The following AKAP7 variants were observed in gnomAD, a reference collection of about 807,000 sequenced individuals.
AKAP7 encodes the protein A-kinase anchoring protein 7.
Under a neutral mutation model 39.5 loss-of-function variants are expected in AKAP7, and 39 were observed. The observed-to-expected ratio is 0.99, with a 90% CI of 0.76 to 1.29. The LOEUF (loss-of-function observed/expected upper bound fraction) is 1.29, where lower values mean the gene tolerates loss of function less well. AKAP7 is among the 50% of genes most tolerant of loss of function. The pLI, the probability that AKAP7 is intolerant of heterozygous loss-of-function variation, is 0.00. For synonymous variants in AKAP7, 140 were observed against 139.1 expected (o/e 1.01, Z -0.05); for missense variants, 414 against 407.7 (o/e 1.02, Z -0.13).
At chr6:131,205,892 T>C (rs1699856225) in intron 6 of AKAP7, among the ~76,000 whole-genome samples, 1 of 152,162 alleles carries the variant, frequency 6.6e-6, no homozygotes, top group South Asian at 2.1e-4. Flanking sequence ...GTAACTAAAG[T>C]TCAGGTTATT....
chr6:131,251,363 C>T (rs892745457), intron 7 of AKAP7, among the ~76,000 whole-genome samples: 1 of 152,104 alleles, frequency 6.6e-6, no homozygotes, highest in Non-Finnish European at 1.5e-5. Flanking sequence ...CCCTAGTTGC[C>T]CCGAAATAGG....
At chr6:131,146,600 A>G (rs1037230105) in intron 2 of AKAP7, among the ~76,000 whole-genome samples, 2 of 152,208 alleles carry the variant, frequency 1.3e-5, no homozygotes, top group African/African-American at 4.8e-5. Flanking sequence ...AAGCGTCAAT[A>G]TGTTTGGATG....
chr6:131,212,763 G>T (rs967360347), intron 6 of AKAP7, among the ~76,000 whole-genome samples: 10 of 152,170 alleles, frequency 6.6e-5, no homozygotes, highest in Non-Finnish European at 5.9e-5. Flanking sequence ...GGGTTAGAAT[G>T]AGGGGGAGAA....
chr6:131,157,064 C>T (rs1802487011), intron 2 of AKAP7, among the ~76,000 whole-genome samples: 1 of 152,138 alleles, frequency 6.6e-6, no homozygotes, highest in Non-Finnish European at 1.5e-5. Flanking sequence ...CATGAGCCAC[C>T]ACACCCAGCC....
chr6:131,180,593 C>A (rs1310369923), intron 5 of AKAP7, among the ~76,000 whole-genome samples: 1 of 152,148 alleles, frequency 6.6e-6, no homozygotes, highest in South Asian at 2.1e-4. Context: ...CCTTTCCTAT[C>A]CAGAATCTTT....
rs201755582 is a variant in AKAP7 at position 131,152,910 on chromosome 6, C to T, written c.152-7149C>T. Reference sequence around the variant, plus strand: ...TTGGGAGGCCAGGGCGGGTGGATCACGAGGTCAGGAGATTGAGACCATCCT... The same window carrying T: ...TTGGGAGGCCAGGGCGGGTGGATCATGAGGTCAGGAGATTGAGACCATCCT... On this transcript the variant is annotated intron_variant, in intron 2 of 7. Transcript: ENST00000431975. Among the ~76,000 whole-genome samples, 20 of 150,104 alleles carry T rather than the reference C, an allele frequency of 1.3e-4. No individual in the cohort carries two copies. The South Asian group carries it at 4.0e-3, about 30-fold the overall frequency.
chr6:131,146,682 G>C (rs1256753670), intron 2 of AKAP7, among the ~76,000 whole-genome samples: 2 of 152,164 alleles, frequency 1.3e-5, no homozygotes, highest in Admixed American at 6.6e-5. Flanking sequence ...GGTTTGATAT[G>C]CTTTTTTCAT....
intron 7 of AKAP7, among the ~76,000 whole-genome samples, chr6:131,246,217 T>C (rs1425957882): frequency 6.6e-6 from 1 of 152,056 alleles, no homozygotes; most frequent in Admixed American, 6.6e-5. Flanking sequence ...TAATCAGAGC[T>C]GACAGTTAAA....
intron 6 of AKAP7, among the ~76,000 whole-genome samples, chr6:131,204,715 C>T (rs1585083651): frequency 6.6e-6 from 1 of 152,202 alleles, no homozygotes; most frequent in East Asian, 1.9e-4. Context: ...AAGTTAGGTG[C>T]CCCATGACAA....
intron 5 of AKAP7, among the ~76,000 whole-genome samples, chr6:131,179,896 TAATA>T (rs71543197): frequency 7.7e-5 from 11 of 143,356 alleles, no homozygotes; most frequent in Middle Eastern, 3.4e-3. Context: ...AATAAATAAA[TAATA>T]AATAAATAAA....
chr6:131,207,033 G>C (rs928842934), intron 6 of AKAP7, among the ~76,000 whole-genome samples: 1 of 152,076 alleles, frequency 6.6e-6, no homozygotes, highest in Non-Finnish European at 1.5e-5. Context: ...AACCTCTCTC[G>C]ATCTCTGTTG....
intron 6 of AKAP7, among the ~76,000 whole-genome samples, chr6:131,216,831 A>C (rs753507597): frequency 1.3e-5 from 2 of 152,172 alleles, no homozygotes; most frequent in Non-Finnish European, 2.9e-5. Context: ...TGTTAGGTTT[A>C]AGGCAAAAAT....
At chr6:131,276,204 A>T (rs1019890923) in intron 7 of AKAP7, among the ~76,000 whole-genome samples, 1 of 152,198 alleles carries the variant, frequency 6.6e-6, no homozygotes, top group African/African-American at 2.4e-5. Context: ...TTTGAAATTT[A>T]CATTATAGAA....
intron 2 of AKAP7, among the ~76,000 whole-genome samples, chr6:131,153,129 C>CA (rs527758381): frequency 0.031 from 3,423 of 111,430 alleles, 111 homozygotes; most frequent in African/African-American, 0.074. Flanking sequence ...GACTCCATCT[C>CA]AAAAAAAAAA....
At chr6:131,150,541 GTTA>G (rs1258424306) in intron 2 of AKAP7, among the ~76,000 whole-genome samples, 1 of 152,150 alleles carries the variant, frequency 6.6e-6, no homozygotes, top group Non-Finnish European at 1.5e-5. Flanking sequence ...TATTCCAAAT[GTTA>G]TTATGAAAGA....
rs202075650 is a variant in AKAP7, at chr6:131,168,875, C to CT, written c.429-235dup. Among the ~76,000 whole-genome samples, 1,124 of 152,102 alleles carry CT rather than the reference C, an allele frequency of 7.4e-3. 16 individuals carry two copies. Among genetic ancestry groups the CT allele is most frequent in the African/African-American group, 0.026 (1,093 of 41,488 alleles). The stretch of plus-strand genomic sequence containing the variant: ...TTGGTAAACTGTAAAATAGTGTCTA[C>CT]TTTCATGTCTTTAATAGTGATTATA... On this transcript the variant is annotated intron_variant, in intron 4 of 7. Coordinates refer to ENST00000431975, the MANE Select transcript of AKAP7 (RefSeq NM_016377.4).
At chr6:131,260,029 TGTAA>T (rs1387426661) in intron 7 of AKAP7, among the ~76,000 whole-genome samples, 2 of 152,094 alleles carry the variant, frequency 1.3e-5, no homozygotes, top group African/African-American at 4.8e-5. Flanking sequence ...AGCCCCTACT[TGTAA>T]GTGAGAACAT....
intron 7 of AKAP7, among the ~76,000 whole-genome samples, chr6:131,240,986 C>T (rs1039404334): frequency 4.6e-5 from 7 of 152,174 alleles, no homozygotes; most frequent in Non-Finnish European, 1.0e-4. Flanking sequence ...GTTGGAAGTG[C>T]AGAAATCACC....
intron 5 of AKAP7, among the ~76,000 whole-genome samples, chr6:131,187,920 T>C (rs774990418): frequency 6.6e-6 from 1 of 152,212 alleles, no homozygotes; most frequent in Non-Finnish European, 1.5e-5. Context: ...AGAAGGGACC[T>C]GAGAGACAAT....
Sources: gnomAD v4.1 joint callset for allele counts (sites outside exome capture counted in the v4.1 genomes callset) on GRCh38, gnomAD v4.1.1 for gene constraint, MANE v1.5 for transcripts, NCBI Gene and HGNC (gene_info 2026-07-23, HGNC 2026-07-21) for gene names.